Variants in UVRAG observed in about 807,000 individuals in gnomAD.
The protein encoded by UVRAG is UV radiation resistance associated, also known as UV radiation resistance-associated gene protein.
Under a neutral mutation model 78.0 loss-of-function variants are expected in UVRAG, and 19 were observed. That is an observed-to-expected ratio of 0.24 (90% CI 0.17 to 0.36). The LOEUF (loss-of-function observed/expected upper bound fraction) is 0.36, where lower values mean the gene tolerates loss of function less well. Ranked by LOEUF, UVRAG falls within the 10% of genes least tolerant of loss-of-function variation. The pLI, the probability that UVRAG is intolerant of heterozygous loss-of-function variation, is 1.00. For synonymous variants in UVRAG, 323 were observed against 324.6 expected (o/e 1.00, Z 0.05); for missense variants, 740 against 853.8 (o/e 0.87, Z 1.66).
At chr11:75,906,813 C>T (rs1947625975) in intron 5 of UVRAG, among the ~76,000 whole-genome samples, 1 of 152,180 alleles carries the variant, frequency 6.6e-6, no homozygotes. Context: ...TGAACCTTTG[C>T]TGAAAATCAG....
At chr11:76,136,761 G>C (rs1412106589) in intron 14 of UVRAG, among the ~76,000 whole-genome samples, 1 of 152,078 alleles carries the variant, frequency 6.6e-6, no homozygotes, top group Non-Finnish European at 1.5e-5. Context: ...GCCTCCCAAA[G>C]TGCTGGGATC....
intron 1 of UVRAG, 21 bp from the exon 2 acceptor site, chr11:75,851,862 T>TC (rs757799721): frequency 6.9e-6 from 11 of 1,585,842 alleles, no homozygotes; most frequent in Non-Finnish European, 9.4e-6. Flanking sequence ...ATGCCTTCTC[T>TC]TTTTTGTTGT....
chr11:75,877,552 C>CA (rs1490641950), intron 3 of UVRAG, among the ~76,000 whole-genome samples: 4 of 138,444 alleles, frequency 2.9e-5, no homozygotes, highest in East Asian at 2.3e-4. Context: ...GCTGGCCGGG[C>CA]GGGGGGCTGA....
Position 75,915,262 on chromosome 11 carries a change from A to T in UVRAG, c.593+3223A>T, listed in dbSNP as rs72999570. On this transcript the variant is annotated intron_variant, in intron 6 of 14. Coordinates refer to ENST00000356136, the MANE Select transcript of UVRAG (RefSeq NM_003369.4). ...CCACTGCAGAGAGAAAAAAAAAAGAAAAAAGCTCCTTCAGATGGATGGGTT... is the reference window on the plus strand; with the variant it reads ...CCACTGCAGAGAGAAAAAAAAAAGATAAAAGCTCCTTCAGATGGATGGGTT... 100 of 152,286 alleles carry T rather than the reference A, an allele frequency of 6.6e-4. 1 individual carries two copies. The highest frequency in any genetic ancestry group is 1.1e-3 in the Non-Finnish European group (78 of 68,046). 9.4% of individuals were successfully genotyped at this position (152,286 alleles called of 1,614,324 possible).
chr11:76,033,160 C>A (rs1950467489), intron 12 of UVRAG, among the ~76,000 whole-genome samples: 2 of 152,216 alleles, frequency 1.3e-5, no homozygotes, highest in South Asian at 4.1e-4. Flanking sequence ...AAGGAAAAAT[C>A]ATGGCTTTCC....
intron 3 of UVRAG, among the ~76,000 whole-genome samples, chr11:75,869,094 G>A (rs1208727471): frequency 6.6e-6 from 1 of 152,206 alleles, no homozygotes; most frequent in Non-Finnish European, 1.5e-5. Flanking sequence ...TCAGCAGGCT[G>A]AGGAACTTGA....
At chr11:75,833,412 A>T (rs1945705885) in intron 1 of UVRAG, among the ~76,000 whole-genome samples, 1 of 151,744 alleles carries the variant, frequency 6.6e-6, no homozygotes, top group Non-Finnish European at 1.5e-5. Context: ...ATATAATTTT[A>T]TGTGAATCAT....
intron 7 of UVRAG, among the ~76,000 whole-genome samples, chr11:75,972,154 T>A (rs905435757): frequency 8.5e-5 from 13 of 152,152 alleles, no homozygotes. Flanking sequence ...ATATGTTTTT[T>A]TGCATAGTTT....
intron 2 of UVRAG, among the ~76,000 whole-genome samples, chr11:75,857,564 A>G (rs1026409837): frequency 5.4e-5 from 8 of 146,970 alleles, no homozygotes; most frequent in African/African-American, 2.0e-4. Flanking sequence ...GTCTCAGCTC[A>G]CTGCAGCCTC....
At chr11:76,010,430 G>C (rs1302345213) in intron 11 of UVRAG, among the ~76,000 whole-genome samples, 2 of 152,136 alleles carry the variant, frequency 1.3e-5, no homozygotes, top group Non-Finnish European at 2.9e-5. Flanking sequence ...AAAGCAGTCA[G>C]AGAAGACCTC....
At chr11:75,881,804 A>T (rs1946951435) in intron 4 of UVRAG, among the ~76,000 whole-genome samples, 1 of 152,196 alleles carries the variant, frequency 6.6e-6, no homozygotes, top group Non-Finnish European at 1.5e-5. Flanking sequence ...CTATCATCAG[A>T]TATAGATTAT....
Position 76,140,702 on chromosome 11 carries a change from C to A in UVRAG, c.1398-9C>A. On this transcript the variant is annotated splice_polypyrimidine_tract_variant and intron_variant, in intron 14 of 14. Transcript: ENST00000356136. ...CCAAAGTAACTTCTTGTTTTTGTTT[C>A]TCTTCTAGTGACAGACATCACACCT... The A allele has an allele frequency of 1.3e-6, 2 of 1,549,516 alleles. No individual in the cohort carries two copies. The highest frequency in any genetic ancestry group is 2.1e-5 in the Admixed American group (1 of 47,962).
intron 14 of UVRAG, among the ~76,000 whole-genome samples, chr11:76,118,781 A>G (rs7111896): frequency 0.011 from 1,725 of 152,262 alleles, 31 homozygotes; most frequent in African/African-American, 0.039. Context: ...CTTTCACATA[A>G]AATCCTTGTC....
intron 5 of UVRAG, among the ~76,000 whole-genome samples, chr11:75,897,277 A>G (rs1381824530): frequency 6.6e-6 from 1 of 152,146 alleles, no homozygotes; most frequent in Admixed American, 6.5e-5. Context: ...ATATTTTTCA[A>G]TTTGTTCTGG....
chr11:76,117,845 G>A (rs541399762), intron 14 of UVRAG, among the ~76,000 whole-genome samples: 2 of 152,198 alleles, frequency 1.3e-5, no homozygotes, highest in African/African-American at 4.8e-5. Flanking sequence ...GTGAGAGGAT[G>A]GAGAGAGCCA....
chr11:75,863,306 C>T (rs1026390792), intron 3 of UVRAG, among the ~76,000 whole-genome samples: 2 of 152,170 alleles, frequency 1.3e-5, no homozygotes, highest in South Asian at 2.1e-4. Flanking sequence ...GTTTTTCCTC[C>T]TCTCCTTGCT....
intron 13 of UVRAG, among the ~76,000 whole-genome samples, chr11:76,093,727 A>G (rs1006407883): frequency 3.9e-5 from 6 of 152,148 alleles, no homozygotes; most frequent in African/African-American, 2.4e-5. Context: ...AGACTTTGCT[A>G]AAGTTACTTA....
intron 12 of UVRAG, among the ~76,000 whole-genome samples, chr11:76,032,132 T>G (rs1281874200): frequency 1.3e-5 from 2 of 152,122 alleles, no homozygotes; most frequent in Admixed American, 1.3e-4. Context: ...AAGGAAAGAG[T>G]AAAAATTATT....
chr11:76,088,529 A>G (rs981371283), intron 13 of UVRAG, among the ~76,000 whole-genome samples: 1 of 123,756 alleles, frequency 8.1e-6, no homozygotes, highest in African/African-American at 3.2e-5. Context: ...ACTCTTTTGC[A>G]TGGCAAAGTC....
Sources: allele counts gnomAD v4.1 joint callset (sites outside exome capture counted in the v4.1 genomes callset), GRCh38; gene constraint gnomAD v4.1.1; transcripts MANE v1.5; gene names NCBI Gene and HGNC (gene_info 2026-07-23, HGNC 2026-07-21).